The following SPECC1 variants were observed in gnomAD, a reference collection of about 807,000 sequenced individuals.
The protein encoded by SPECC1 is cytospin-B.
A neutral mutation model predicts 104.1 loss-of-function variants in SPECC1; 62 were observed. The ratio of observed to expected loss-of-function variants is 0.60; its 90% CI spans 0.49 to 0.74. The LOEUF is 0.74. SPECC1 is among the 30% of genes least tolerant of loss of function. The probability of loss-of-function intolerance (pLI) is 0.00; values close to 1 mark genes in which losing one functional copy is unlikely to be tolerated. For missense variants in SPECC1, 1,306 were observed against 1,310.5 expected, an observed-to-expected ratio of 1.00 and a Z score of 0.05; for synonymous variants, 513 against 501.6, an observed-to-expected ratio of 1.02 and a Z score of -0.30.
chr17:20,253,159 C>A (rs1372796899), intron 9 of SPECC1, among the ~76,000 whole-genome samples: 1 of 151,980 alleles, frequency 6.6e-6, no homozygotes, highest in African/African-American at 2.4e-5. Flanking sequence ...ACCTATTAAC[C>A]ATTAAAAATA....
Position 20,218,002 on chromosome 17 carries a change from A to T in SPECC1, c.1864-9411A>T, listed in dbSNP as rs192312008. ...ACCCGTGATCGTGCCACTGTGCTCC[A>T]GCCTGGGCAACAGAGCAAGACCTTG... On this transcript the variant is annotated intron_variant, in intron 4 of 14. Coordinates refer to ENST00000395527, the MANE Select transcript of SPECC1 (RefSeq NM_001243439.2). Among the ~76,000 whole-genome samples, 7 of 152,348 alleles carry T rather than the reference A, an allele frequency of 4.6e-5. No individual in the cohort carries two copies. In the East Asian group the frequency reaches 1.3e-3, roughly 29 times the overall value.
At chr17:20,111,717 G>A (rs1441263255) in intron 3 of SPECC1, 8 of 638,310 alleles carry the variant, frequency 1.3e-5, no homozygotes, top group East Asian at 5.9e-5. Flanking sequence ...GAAAGGAGGC[G>A]AATCCCAGTG....
chr17:20,038,095 C>A (rs1417780612), intron 1 of SPECC1, among the ~76,000 whole-genome samples: 2 of 151,848 alleles, frequency 1.3e-5, no homozygotes, highest in Non-Finnish European at 2.9e-5. Flanking sequence ...ACTGGTAATC[C>A]GTGTCTTCTT....
At chr17:20,190,307 T>C (rs1348358325) in intron 3 of SPECC1, among the ~76,000 whole-genome samples, 1 of 152,180 alleles carries the variant, frequency 6.6e-6, no homozygotes, top group Non-Finnish European at 1.5e-5. Context: ...TTCATATTTC[T>C]TTTTCCTAAT....
intron 10 of SPECC1, among the ~76,000 whole-genome samples, chr17:20,253,934 T>C (rs1403409311): frequency 6.6e-6 from 1 of 152,036 alleles, no homozygotes; most frequent in Non-Finnish European, 1.5e-5. Context: ...CCCACAGTGC[T>C]GGGATTATAG....
At chr17:20,198,881 C>T (rs1175707583) in intron 3 of SPECC1, among the ~76,000 whole-genome samples, 2 of 152,094 alleles carry the variant, frequency 1.3e-5, no homozygotes, top group Admixed American at 6.6e-5. Context: ...AAATAACTTC[C>T]TTAGAAAGGG....
intron 3 of SPECC1, among the ~76,000 whole-genome samples, chr17:20,150,438 G>A (rs552469314): frequency 4.6e-5 from 7 of 151,724 alleles, no homozygotes; most frequent in African/African-American, 1.5e-4. Context: ...TCGGGAGTTC[G>A]AGACTAGCCT....
chr17:20,139,659 T>G (rs2152558195), intron 3 of SPECC1, among the ~76,000 whole-genome samples: 1 of 152,306 alleles, frequency 6.6e-6, no homozygotes. Context: ...AGTTGCATCT[T>G]ACACTTCTTA....
chr17:20,023,929 A>G (rs1176744757), intron 1 of SPECC1, among the ~76,000 whole-genome samples: 1 of 152,252 alleles, frequency 6.6e-6, no homozygotes, highest in African/African-American at 2.4e-5. Context: ...AAAGAACAGT[A>G]TAAGCCCGTA....
chr17:20,103,127 CAT>C (rs1433109461), intron 2 of SPECC1, among the ~76,000 whole-genome samples: 1 of 152,224 alleles, frequency 6.6e-6, no homozygotes, highest in Non-Finnish European at 1.5e-5. Context: ...TGCCACGTGA[CAT>C]AGCTTTTTTC....
intron 13 of SPECC1, among the ~76,000 whole-genome samples, chr17:20,305,338 A>G (rs547299626): frequency 1.3e-5 from 2 of 152,326 alleles, no homozygotes; most frequent in South Asian, 4.1e-4. Flanking sequence ...AGTGTTGTCC[A>G]TACCCAGTGG....
At chr17:20,050,302 C>T (rs904670417) in intron 1 of SPECC1, among the ~76,000 whole-genome samples, 4 of 152,064 alleles carry the variant, frequency 2.6e-5, no homozygotes, top group African/African-American at 9.7e-5. Flanking sequence ...CTGTGTTTTT[C>T]CTGATGCCTA....
At chr17:20,065,886 A>G (rs1242287317) in intron 1 of SPECC1, among the ~76,000 whole-genome samples, 2 of 152,310 alleles carry the variant, frequency 1.3e-5, no homozygotes, top group African/African-American at 2.4e-5. Flanking sequence ...CCTGAGGCCT[A>G]AAGTGCCCTG....
chr17:20,066,436 C>A (rs558791313), intron 1 of SPECC1, among the ~76,000 whole-genome samples: 2 of 152,254 alleles, frequency 1.3e-5, no homozygotes, highest in East Asian at 3.9e-4. Flanking sequence ...TTAGCCTGCA[C>A]GGAGATTCCT....
intron 5 of SPECC1, among the ~76,000 whole-genome samples, chr17:20,227,879 C>A (rs1157589638): frequency 6.6e-6 from 1 of 151,812 alleles, no homozygotes; most frequent in Non-Finnish European, 1.5e-5. Flanking sequence ...TGCGCCACTG[C>A]AAAAGAAAGC....
chr17:20,317,258 A>ATTTTTTTTTTTTTTTTTTTTTTTTT lies in SPECC1; in HGVS notation c.*3193_*3194insTTTTTTTTTTTTTTTTTTTTTTTTT, dbSNP rs1173603591. On this transcript the variant is annotated 3_prime_UTR_variant, in exon 15 of 15. Transcript: ENST00000395527. ...GGCAAGACCTCTGACTCTATAAAAAAATTTTTTTTTTTTTTTTTTTTTGAG... is the reference window on the plus strand; with the variant it reads ...GGCAAGACCTCTGACTCTATAAAAAATTTTTTTTTTTTTTTTTTTTTTTTTATTTTTTTTTTTTTTTTTTTTTGAG... 1 of 37,372 alleles carries ATTTTTTTTTTTTTTTTTTTTTTTTT rather than the reference A, an allele frequency of 2.7e-5. No homozygotes were observed. The highest frequency in any genetic ancestry group is 4.4e-5 in the Non-Finnish European group (1 of 22,838). 2.3% of individuals were successfully genotyped at this position (37,372 alleles called of 1,614,324 possible). A position where few individuals can be genotyped will look rare whatever the true frequency, so the allele number is the denominator to read the frequency against.
chr17:20,087,408 G>C (rs1279789454), intron 1 of SPECC1, among the ~76,000 whole-genome samples: 1 of 152,210 alleles, frequency 6.6e-6, no homozygotes, highest in East Asian at 1.9e-4. Flanking sequence ...CTCTCATCCT[G>C]AAAGCAGTCT....
rs1259767002 is a variant in SPECC1 at position 20,227,580 on chromosome 17, T to A, written c.2031T>A (p.Ala677=). 6.2e-7 allele frequency: 1 copy of A among 1,610,246 alleles called. No homozygotes were observed. Among genetic ancestry groups the A allele is most frequent in the African/African-American group, 1.3e-5 (1 of 74,602 alleles). ...ELEDQVEQHR[A]VKLHNNQLIS... ...AAGATCAGGTGGAACAGCACCGGGC[T>A]GTCAAGTTACACAATAATCAACTCA... is the stretch of plus-strand genomic sequence containing the variant. Residue 677 remains alanine (A), a synonymous_variant, in exon 5 of 15, where the codon GCT becomes GCA. Coordinates refer to ENST00000395527, the MANE Select transcript of SPECC1 (RefSeq NM_001243439.2).
At chr17:20,127,774 TG>T (rs1485781506) in intron 3 of SPECC1, among the ~76,000 whole-genome samples, 3 of 152,126 alleles carry the variant, frequency 2.0e-5, no homozygotes, top group Non-Finnish European at 4.4e-5. Flanking sequence ...TGTTGGAAGG[TG>T]GCCTTGTCCT....
Sources: gnomAD v4.1 joint callset for allele counts (sites outside exome capture counted in the v4.1 genomes callset) on GRCh38, gnomAD v4.1.1 for gene constraint, MANE v1.5 for transcripts, NCBI Gene and HGNC (gene_info 2026-07-23, HGNC 2026-07-21) for gene names.